PTP4A3: variants seen among roughly 807,000 people sequenced by gnomAD.
PTP4A3 encodes protein tyrosine phosphatase 4A3.
PTP4A3 carries 9 observed loss-of-function variants against 15.2 expected under a neutral mutation model. That is an observed-to-expected ratio of 0.59 (90% CI 0.36 to 1.03). PTP4A3 has a LOEUF of 1.03. PTP4A3 is among the 50% of genes least tolerant of loss of function. PTP4A3 has a pLI of 0.02. For missense variants in PTP4A3, 234 were observed against 252.1 expected (o/e 0.93, Z 0.49); for synonymous variants, 95 against 102.0 (o/e 0.93, Z 0.41).
chr8:141,416,657 G>A (rs1189634324), intron 1 of PTP4A3, among the ~76,000 whole-genome samples: 4 of 152,124 alleles, frequency 2.6e-5, no homozygotes, highest in Non-Finnish European at 5.9e-5. Context: ...CCATGAGCTG[G>A]CAGGCAGGGC....
chr8:141,402,724 C>T (rs1451726000), intron 1 of PTP4A3, among the ~76,000 whole-genome samples: 1 of 150,626 alleles, frequency 6.6e-6, no homozygotes, highest in African/African-American at 2.4e-5. Flanking sequence ...CCTCACTTTC[C>T]CCCCACCCCT....
Position 141,431,375 on chromosome 8 carries a change from G to T in PTP4A3, c.*331G>T. 1 of 360,724 alleles carries T rather than the reference G, an allele frequency of 2.8e-6. No homozygotes were observed. The highest frequency in any genetic ancestry group is 5.0e-6 in the Non-Finnish European group (1 of 198,980). 22.3% of individuals were successfully genotyped at this position (360,724 alleles called of 1,614,324 possible). ...TGGTCTCCTCTAGCCTGTTTGTTGTGGGGTGGGGGTATATTTTGTAACCAC... is the reference window on the plus strand; with the variant it reads ...TGGTCTCCTCTAGCCTGTTTGTTGTTGGGTGGGGGTATATTTTGTAACCAC... On this transcript the variant is annotated 3_prime_UTR_variant, in exon 6 of 6. Coordinates refer to ENST00000521578, the MANE Select transcript of PTP4A3 (RefSeq NM_032611.3).
chr8:141,392,399 ACCT>A (rs1832307325), intron 1 of PTP4A3: 1 of 151,804 alleles, frequency 6.6e-6, no homozygotes, highest in Non-Finnish European at 1.5e-5. Context: ...TGCGCGGGAG[ACCT>A]CCTACCCTGA....
chr8:141,429,581 A>G (rs1833751925), intron 5 of PTP4A3, among the ~76,000 whole-genome samples: 1 of 149,774 alleles, frequency 6.7e-6, no homozygotes, highest in South Asian at 2.1e-4. Context: ...TGCTGTAAGG[A>G]CCCGGTGGCG....
intron 1 of PTP4A3, among the ~76,000 whole-genome samples, chr8:141,405,944 G>A (rs183988441): frequency 9.9e-4 from 151 of 152,290 alleles, no homozygotes; most frequent in Middle Eastern, 3.4e-3. Context: ...GGAGGCAGGT[G>A]AGGCTACAGC....
At chr8:141,413,060 T>C (rs966114679) in intron 1 of PTP4A3, among the ~76,000 whole-genome samples, 1 of 152,160 alleles carries the variant, frequency 6.6e-6, no homozygotes, top group East Asian at 1.9e-4. Context: ...TGCGGACCCT[T>C]GGAGAGCTTG....
At chr8:141,398,354 G>T (rs1467320530) in intron 1 of PTP4A3, among the ~76,000 whole-genome samples, 1 of 152,228 alleles carries the variant, frequency 6.6e-6, no homozygotes, top group Non-Finnish European at 1.5e-5. Flanking sequence ...AACTCCCAGA[G>T]ATTCCAGCAC....
At chr8:141,427,371 CAG>C (rs889165851) in intron 4 of PTP4A3, among the ~76,000 whole-genome samples, 1 of 152,232 alleles carries the variant, frequency 6.6e-6, no homozygotes, top group African/African-American at 2.4e-5. Flanking sequence ...GCTGGGGCCT[CAG>C]ACTCCCTGCT....
At chr8:141,429,052 G>T (rs1833721729) in intron 5 of PTP4A3, among the ~76,000 whole-genome samples, 1 of 152,250 alleles carries the variant, frequency 6.6e-6, no homozygotes, top group African/African-American at 2.4e-5. Context: ...CGCTGGTCAG[G>T]ACAGGTTGGG....
chr8:141,430,524 C>T (rs1339648719), intron 5 of PTP4A3, among the ~76,000 whole-genome samples: 12 of 152,164 alleles, frequency 7.9e-5, no homozygotes, highest in East Asian at 5.8e-4. Context: ...GGGAAGGTCG[C>T]GCAGCTGGGC....
chr8:141,395,140 C>T (rs928844877), intron 1 of PTP4A3, among the ~76,000 whole-genome samples: 50 of 152,304 alleles, frequency 3.3e-4, no homozygotes, highest in Non-Finnish European at 2.6e-4. Context: ...GGACACAGCC[C>T]GTGCCAGTGT....
At chr8:141,400,862 G>A (rs930542206) in intron 1 of PTP4A3, among the ~76,000 whole-genome samples, 3 of 152,190 alleles carry the variant, frequency 2.0e-5, no homozygotes, top group Non-Finnish European at 4.4e-5. Flanking sequence ...ACTTGTAGGA[G>A]ATGGCAGTTC....
Position 141,426,992 on chromosome 8 carries a change from G to T in PTP4A3, c.252G>T (p.Trp84Cys). 1 of 1,607,836 alleles carries T rather than the reference G, an allele frequency of 6.2e-7. No homozygotes were observed. ...APPPGKVVED[W>C]LSLVKAKFCE... ...CGCCCGGCAAGGTAGTGGAAGACTG[G>T]CTGAGCCTGGTGAAGGCCAAGTTCT... The change falls in exon 4 of 6, where the codon TGG (tryptophan) becomes TGT (cysteine). Residue 84 changes from tryptophan (W) to cysteine (C), a missense_variant. Transcript: ENST00000521578.
chr8:141,409,826 C>G (rs1832820067), intron 1 of PTP4A3, among the ~76,000 whole-genome samples: 1 of 152,250 alleles, frequency 6.6e-6, no homozygotes, highest in Non-Finnish European at 1.5e-5. Flanking sequence ...TCCTGCCCTG[C>G]TTGCGCTGGC....
chr8:141,431,223 G>A lies in PTP4A3; in HGVS notation c.*179G>A. 1.6e-6 allele frequency: 1 copy of A among 622,268 alleles called. No homozygotes were observed. Among genetic ancestry groups the A allele is most frequent in the Non-Finnish European group, 2.8e-6 (1 of 356,734 alleles). 38.5% of individuals were successfully genotyped at this position (622,268 alleles called of 1,614,324 possible). A position where few individuals can be genotyped will look rare whatever the true frequency, so the allele number is the denominator to read the frequency against. ...GTGTCCGAGGAGCGAGGAGCCCCTC[G>A]GGCCCTGGGTGGCCTCTGGGCCCTT... On this transcript the variant is annotated 3_prime_UTR_variant, in exon 6 of 6. Coordinates refer to ENST00000521578, the MANE Select transcript of PTP4A3 (RefSeq NM_032611.3).
chr8:141,399,932 A>G (rs2129819462), intron 1 of PTP4A3, among the ~76,000 whole-genome samples: 1 of 152,320 alleles, frequency 6.6e-6, no homozygotes, highest in South Asian at 2.1e-4. Flanking sequence ...TTTGAGACGG[A>G]GTCTCACCCT....
At chr8:141,392,918 CAGAA>C (rs1832331097) in intron 1 of PTP4A3, among the ~76,000 whole-genome samples, 1 of 150,410 alleles carries the variant, frequency 6.6e-6, no homozygotes, top group Admixed American at 6.7e-5. Flanking sequence ...TCAGCCAAGA[CAGAA>C]AGGCACGTGC....
chr8:141,427,476 G>A (rs1833630846), intron 4 of PTP4A3, among the ~76,000 whole-genome samples: 1 of 152,214 alleles, frequency 6.6e-6, no homozygotes, highest in African/African-American at 2.4e-5. Context: ...GAGCAGAGTT[G>A]ATAGCAGGCA....
rs780488974 is a variant in PTP4A3, at chr8:141,427,078, C to G, written c.329+9C>G. On this transcript the variant is annotated intron_variant, in intron 4 of 5. Coordinates refer to ENST00000521578, the MANE Select transcript of PTP4A3 (RefSeq NM_032611.3). ...GTGGCGGGCCTGGGCCGGTGAGTGT[C>G]GGGGCGGGGTAGGGCTCGCCATGTC... The G allele has an allele frequency of 1.3e-6, 2 of 1,596,466 alleles. No homozygotes were observed. The highest frequency in any genetic ancestry group is 2.7e-5 in the African/African-American group (2 of 74,842).
Sources: gnomAD v4.1 joint callset for allele counts (sites outside exome capture counted in the v4.1 genomes callset) on GRCh38, gnomAD v4.1.1 for gene constraint, MANE v1.5 for transcripts, NCBI Gene and HGNC (gene_info 2026-07-23, HGNC 2026-07-21) for gene names.